The following NOL4 variants were observed in gnomAD, a reference collection of about 807,000 sequenced individuals.
The protein encoded by NOL4 is cancer/testis antigen 125.
In NOL4, 17 loss-of-function variants were observed where a neutral mutation model predicts 75.9. The ratio of observed to expected loss-of-function variants is 0.22; its 90% CI spans 0.15 to 0.34. NOL4 has a LOEUF of 0.34. Ranked by LOEUF, NOL4 falls within the 10% of genes least tolerant of loss-of-function variation. The probability of loss-of-function intolerance (pLI) is 1.00; values close to 1 mark genes in which losing one functional copy is unlikely to be tolerated. For synonymous variants in NOL4, 292 were observed against 289.9 expected (o/e 1.01, Z -0.07); for missense variants, 614 against 793.5 (o/e 0.77, Z 2.72).
At chr18:34,155,054 T>G (rs2030107554) in intron 1 of NOL4, among the ~76,000 whole-genome samples, 1 of 151,970 alleles carries the variant, frequency 6.6e-6, no homozygotes, top group Admixed American at 6.6e-5. Context: ...TTTGTAACTT[T>G]CTTCTTAGTA....
intron 5 of NOL4, among the ~76,000 whole-genome samples, chr18:34,056,465 A>G (rs1379440160): frequency 3.3e-5 from 5 of 152,066 alleles, no homozygotes. Context: ...CTGTAGAACT[A>G]CAGAATCTCT....
chr18:34,098,729 CTAATTT>C lies in NOL4; in HGVS notation c.640-5138_640-5133del, dbSNP rs563259004. Among the ~76,000 whole-genome samples the C allele has an allele frequency of 6.6e-5, 10 of 152,180 alleles. 1 individual carries two copies. In the South Asian group the frequency reaches 2.1e-3, roughly 32 times the overall value. On this transcript the variant is annotated intron_variant, in intron 4 of 10. Transcript: ENST00000261592. ...TGCTTAAAAAAACAAATAGTTAATACTAATTTTAAGTGGATGTGTTGCACAGTAGGA... is the reference window on the plus strand; with the variant it reads ...TGCTTAAAAAAACAAATAGTTAATACTAAGTGGATGTGTTGCACAGTAGGA...
At chr18:33,972,150 T>TGA (rs1166818430) in intron 6 of NOL4, among the ~76,000 whole-genome samples, 2 of 149,000 alleles carry the variant, frequency 1.3e-5, no homozygotes, top group Non-Finnish European at 3.0e-5. Flanking sequence ...GGAGATAGAG[T>TGA]GAGACTCTGT....
chr18:33,900,778 C>T (rs75729340), intron 9 of NOL4, among the ~76,000 whole-genome samples: 2,267 of 152,172 alleles, frequency 0.015, 25 homozygotes, highest in Non-Finnish European at 0.021. Context: ...TAGAGGCCAG[C>T]GAAAGTACCA....
intron 1 of NOL4, among the ~76,000 whole-genome samples, chr18:34,176,953 A>G (rs1366810967): frequency 6.6e-6 from 1 of 152,092 alleles, no homozygotes; most frequent in African/African-American, 2.4e-5. Context: ...ATCACATAGA[A>G]GGGATCCTTT....
Position 34,019,442 on chromosome 18 carries a change from A to T in NOL4, c.932T>A (p.Leu311His). Reference sequence around the variant, plus strand: ...GTATTCCGAAGTTAGCTGCGCAGAGAGGGGACTGTCACTCAGGTTCAGTGG... The same window carrying T: ...GTATTCCGAAGTTAGCTGCGCAGAGTGGGGACTGTCACTCAGGTTCAGTGG... The part of the protein sequence containing the change: ...EQPLNLSDSP[L>H]SAQLTSEYRI... The change falls in exon 6 of 11, where the codon CTC becomes CAC. Residue 311 changes from leucine to histidine, a missense_variant. By Grantham distance (99) the Leu-to-His change is moderately conservative. Transcript: ENST00000261592. 1 of 1,613,902 alleles carries T rather than the reference A, an allele frequency of 6.2e-7. No individual in the cohort carries two copies. Among genetic ancestry groups the T allele is most frequent in the Non-Finnish European group, 8.5e-7 (1 of 1,179,972 alleles).
chr18:34,019,087 T>C (rs1459113151), intron 6 of NOL4, among the ~76,000 whole-genome samples: 1 of 152,136 alleles, frequency 6.6e-6, no homozygotes, highest in African/African-American at 2.4e-5. Flanking sequence ...CAAGTGATTC[T>C]CCGGATCTAA....
chr18:34,075,989 AT>A (rs2077728485), intron 5 of NOL4, among the ~76,000 whole-genome samples: 1 of 151,810 alleles, frequency 6.6e-6, no homozygotes, highest in African/African-American at 2.4e-5. Context: ...GGGAGTATAA[AT>A]TTTTTATAAG....
chr18:34,049,470 C>T (rs1253692256), intron 5 of NOL4, among the ~76,000 whole-genome samples: 2 of 151,972 alleles, frequency 1.3e-5, no homozygotes, highest in East Asian at 3.9e-4. Context: ...GAACATTGAA[C>T]ATTCATTTTT....
chr18:33,898,263 C>A (rs2065538772), intron 9 of NOL4, among the ~76,000 whole-genome samples: 1 of 152,086 alleles, frequency 6.6e-6, no homozygotes, highest in South Asian at 2.1e-4. Flanking sequence ...ACACAACATT[C>A]TCTTTTGGTA....
At chr18:33,928,416 A>G (rs1367183876) in intron 9 of NOL4, among the ~76,000 whole-genome samples, 1 of 152,188 alleles carries the variant, frequency 6.6e-6, no homozygotes. Flanking sequence ...AAAACCAAAC[A>G]GTAAAGTAGA....
chr18:34,113,217 C>T (rs1374930302), intron 2 of NOL4, among the ~76,000 whole-genome samples: 1 of 152,140 alleles, frequency 6.6e-6, no homozygotes, highest in Non-Finnish European at 1.5e-5. Flanking sequence ...TAGCCTCCAG[C>T]AATCCTCCCA....
At chr18:33,903,975 A>G (rs1481138048) in intron 9 of NOL4, among the ~76,000 whole-genome samples, 1 of 152,184 alleles carries the variant, frequency 6.6e-6, no homozygotes, top group South Asian at 2.1e-4. Context: ...AACTAGTTCA[A>G]ACTCTCCAAA....
At chr18:33,948,922 A>T (rs2069019494) in intron 8 of NOL4, among the ~76,000 whole-genome samples, 1 of 152,060 alleles carries the variant, frequency 6.6e-6, no homozygotes, top group Non-Finnish European at 1.5e-5. Flanking sequence ...AACCTTTTGT[A>T]ATCAATTCTG....
intron 10 of NOL4, among the ~76,000 whole-genome samples, chr18:33,870,275 A>G (rs1599687676): frequency 1.3e-5 from 2 of 152,060 alleles, no homozygotes; most frequent in East Asian, 3.9e-4. Context: ...TCTCACTCAT[A>G]TGTGGAATCC....
chr18:33,897,274 A>C (rs1014023257), intron 9 of NOL4, among the ~76,000 whole-genome samples: 5 of 152,102 alleles, frequency 3.3e-5, no homozygotes, highest in Non-Finnish European at 7.4e-5. Flanking sequence ...GGTATATACC[A>C]AGAGGAATAG....
At position 33,852,058 on chromosome 18, in the gene NOL4, A is replaced by G. The variant is rs1166582900; in HGVS notation, c.*784T>C. On this transcript the variant is annotated 3_prime_UTR_variant, in exon 11 of 11. Coordinates refer to ENST00000261592, the MANE Select transcript of NOL4 (RefSeq NM_003787.5). The stretch of plus-strand genomic sequence containing the variant: ...ATTAAAAAAAAAATTCTGGGATGAA[A>G]ACTGCTATGATAAAGTTGCAGTGTT... 6.6e-6 allele frequency: 1 copy of G among 152,424 alleles called. No homozygotes were observed. Among genetic ancestry groups the G allele is most frequent in the East Asian group, 1.9e-4 (1 of 5,172 alleles). 9.4% of individuals were successfully genotyped at this position (152,424 alleles called of 1,614,324 possible).
chr18:33,923,063 T>G (rs2067131707), intron 9 of NOL4, among the ~76,000 whole-genome samples: 1 of 152,162 alleles, frequency 6.6e-6, no homozygotes, highest in African/African-American at 2.4e-5. Flanking sequence ...ACAATTTTCA[T>G]ACATTCAAAC....
intron 5 of NOL4, among the ~76,000 whole-genome samples, chr18:34,051,896 T>C (rs1175737039): frequency 6.6e-6 from 1 of 151,860 alleles, no homozygotes; most frequent in Non-Finnish European, 1.5e-5. Flanking sequence ...GAAATAGGGA[T>C]AAAATTTTAA....
Sources: gnomAD v4.1 joint callset for allele counts (sites outside exome capture counted in the v4.1 genomes callset) on GRCh38, gnomAD v4.1.1 for gene constraint, MANE v1.5 for transcripts, NCBI Gene and HGNC (gene_info 2026-07-23, HGNC 2026-07-21) for gene names.